REV1: variants seen among roughly 807,000 people sequenced by gnomAD.
REV1 encodes the protein REV1 DNA directed polymerase.
A neutral mutation model predicts 137.4 loss-of-function variants in REV1; 42 were observed. That is an observed-to-expected ratio of 0.31 (90% CI 0.24 to 0.40). REV1 has a LOEUF of 0.40. Ranked by LOEUF, REV1 falls within the 10% of genes least tolerant of loss-of-function variation. REV1 has a pLI of 1.00. For missense variants in REV1, 1,282 were observed against 1,490.1 expected (o/e 0.86, Z 2.30); for synonymous variants, 524 against 519.2 (o/e 1.01, Z -0.12).
chr2:99,416,975 G>T (rs1677977238), intron 12 of REV1, among the ~76,000 whole-genome samples: 1 of 150,268 alleles, frequency 6.7e-6, no homozygotes, highest in Admixed American at 6.6e-5. Context: ...GAAGGTGAAT[G>T]GTAGGATTAC....
chr2:99,411,303 C>T (rs1053093335), intron 13 of REV1, among the ~76,000 whole-genome samples: 1 of 151,900 alleles, frequency 6.6e-6, no homozygotes, highest in African/African-American at 2.4e-5. Context: ...AGTAAAACTA[C>T]AACAACAAAA....
At chr2:99,407,457 A>C (rs1237999737) in intron 15 of REV1, among the ~76,000 whole-genome samples, 1 of 151,572 alleles carries the variant, frequency 6.6e-6, no homozygotes, top group Non-Finnish European at 1.5e-5. Context: ...GAGGCTGAAG[A>C]AGGAGAATTG....
intron 13 of REV1, 85 bp from the exon 14 acceptor site, chr2:99,410,952 T>C (rs1047537536): frequency 2.5e-4 from 318 of 1,270,024 alleles, no homozygotes; most frequent in Non-Finnish European, 3.0e-4. Context: ...ACTTTGAATA[T>C]TAAACATGTT....
At chr2:99,442,783 A>C (rs960268284) in intron 4 of REV1, among the ~76,000 whole-genome samples, 1 of 152,204 alleles carries the variant, frequency 6.6e-6, no homozygotes, top group Non-Finnish European at 1.5e-5. Context: ...TCCAAGATAA[A>C]TAAACTGAAT....
At chr2:99,403,635 C>T in intron 19 of REV1, 60 bp downstream of exon 19, 1 of 1,611,378 alleles carries the variant, frequency 6.2e-7, no homozygotes, top group Non-Finnish European at 8.5e-7. Flanking sequence ...AATAATTAGA[C>T]AACAGTGACT....
At chr2:99,452,052 A>G (rs1054536065) in intron 3 of REV1, among the ~76,000 whole-genome samples, 19 of 152,126 alleles carry the variant, frequency 1.2e-4, no homozygotes, top group African/African-American at 4.3e-4. Flanking sequence ...AACATACACG[A>G]TAACTGCAGA....
At chr2:99,439,392 G>T (rs1575107568) in intron 5 of REV1, 82 bp from the exon 6 acceptor site, 2 of 935,772 alleles carry the variant, frequency 2.1e-6, no homozygotes, top group Non-Finnish European at 3.2e-6. Context: ...TTTTCTTAGT[G>T]GTACACAGTT....
intron 13 of REV1, among the ~76,000 whole-genome samples, chr2:99,411,952 A>G (rs1677215411): frequency 6.6e-6 from 1 of 151,802 alleles, no homozygotes; most frequent in African/African-American, 2.4e-5. Context: ...AGACATATCC[A>G]GCCGGGCGCA....
chr2:99,413,088 A>G (rs911562952), intron 12 of REV1, 137 bp from the exon 13 acceptor site: 21 of 665,808 alleles, frequency 3.2e-5, no homozygotes, highest in Non-Finnish European at 4.8e-5. Flanking sequence ...TAACTGAAGC[A>G]TCCACAGGCT....
At chr2:99,421,715 T>C in intron 10 of REV1, 62 bp from the exon 11 acceptor site, 1 of 1,526,468 alleles carries the variant, frequency 6.6e-7, no homozygotes, top group South Asian at 1.2e-5. Context: ...AGACCCAATG[T>C]TGCAAAATAG....
intron 9 of REV1, among the ~76,000 whole-genome samples, chr2:99,427,940 A>C (rs572671433): frequency 8.5e-5 from 13 of 152,190 alleles, no homozygotes; most frequent in African/African-American, 1.2e-4. Flanking sequence ...AGGTAAATTT[A>C]TATTTACCGT....
At chr2:99,426,436 C>A (rs1181736032) in intron 9 of REV1, among the ~76,000 whole-genome samples, 1 of 151,734 alleles carries the variant, frequency 6.6e-6, no homozygotes, top group Admixed American at 6.6e-5. Context: ...TTAATTTACA[C>A]AAAAATTTTC....
At chr2:99,476,553 CAATAATAATAAT>C (rs35637032) in intron 1 of REV1, among the ~76,000 whole-genome samples, 4 of 149,600 alleles carry the variant, frequency 2.7e-5, no homozygotes, top group South Asian at 2.1e-4. Context: ...AAGAATCTGT[CAATAATAATAAT>C]AATAATAATA....
At chr2:99,426,173 T>A (rs1406440400) in intron 9 of REV1, among the ~76,000 whole-genome samples, 1 of 151,288 alleles carries the variant, frequency 6.6e-6, no homozygotes, top group Non-Finnish European at 1.5e-5. Context: ...GGTGAAACCC[T>A]GTCTCTACTA....
intron 22 of REV1, among the ~76,000 whole-genome samples, chr2:99,401,733 T>A (rs575686625): frequency 6.6e-6 from 1 of 152,122 alleles, no homozygotes; most frequent in African/African-American, 2.4e-5. Flanking sequence ...GGCGACAGAG[T>A]GAGACTCCAT....
At chr2:99,448,630 A>G (rs1252780055) in intron 4 of REV1, among the ~76,000 whole-genome samples, 1 of 152,228 alleles carries the variant, frequency 6.6e-6, no homozygotes, top group East Asian at 1.9e-4. Flanking sequence ...ACAACATGGT[A>G]TAATGTACTC....
intron 17 of REV1, 110 bp downstream of exon 17, chr2:99,405,800 G>T: frequency 1.4e-6 from 1 of 733,198 alleles, no homozygotes; most frequent in Non-Finnish European, 2.0e-6. Flanking sequence ...TCCCTTTCTT[G>T]GTTAAACGGA....
At chr2:99,445,121 C>T (rs752074020) in intron 4 of REV1, among the ~76,000 whole-genome samples, 24 of 109,224 alleles carry the variant, frequency 2.2e-4, no homozygotes, top group South Asian at 5.5e-4. Flanking sequence ...ACAGCCTCTG[C>T]GTTTAGGAAC....
At chr2:99,475,742 T>G (rs1241857424) in intron 1 of REV1, among the ~76,000 whole-genome samples, 1 of 152,044 alleles carries the variant, frequency 6.6e-6, no homozygotes, top group African/African-American at 2.4e-5. Context: ...CCCAGCACTT[T>G]GGGAGGCCGA....
Sources: allele counts gnomAD v4.1 joint callset (sites outside exome capture counted in the v4.1 genomes callset), GRCh38; gene constraint gnomAD v4.1.1; transcripts MANE v1.5; gene names NCBI Gene and HGNC (gene_info 2026-07-23, HGNC 2026-07-21).